MYO16: variants seen among roughly 807,000 people sequenced by gnomAD.
The protein encoded by MYO16 is myosin XVI.
A neutral mutation model predicts 205.3 loss-of-function variants in MYO16; 94 were observed. That is an observed-to-expected ratio of 0.46 (90% CI 0.39 to 0.54). The LOEUF (loss-of-function observed/expected upper bound fraction) is 0.54, where lower values mean the gene tolerates loss of function less well. Ranked by LOEUF, MYO16 falls within the 20% of genes least tolerant of loss-of-function variation. MYO16 has a pLI of 0.00. For synonymous variants in MYO16, 988 were observed against 954.0 expected (o/e 1.04, Z -0.66); for missense variants, 2,315 against 2,387.5 (o/e 0.97, Z 0.63).
rs549376365 is a variant in MYO16 at position 108,850,159 on chromosome 13, C to T, written c.1249-5284C>T. ...TAACTTATCCATACTGGGTTATTTG[C>T]GCCTAGACTGCCTTCCTCCAAATCC... is the stretch of plus-strand genomic sequence containing the variant. On this transcript the variant is annotated intron_variant, in intron 10 of 34. Coordinates refer to ENST00000457511, the MANE Select transcript of MYO16 (RefSeq NM_001198950.3). Among the ~76,000 whole-genome samples, 16 of 151,722 alleles carry T rather than the reference C, an allele frequency of 1.1e-4. No individual in the cohort carries two copies. The South Asian group carries it at 1.5e-3, about 14-fold the overall frequency.
chr13:108,888,309 A>T (rs925107594), intron 13 of MYO16, 63 bp from the exon 14 acceptor site: 11 of 1,183,936 alleles, frequency 9.3e-6, no homozygotes, highest in Non-Finnish European at 1.2e-5. Flanking sequence ...TCAAAGGAAC[A>T]AAGGAACAAG....
chr13:109,013,256 G>A (rs924478015), intron 22 of MYO16, among the ~76,000 whole-genome samples: 34 of 151,844 alleles, frequency 2.2e-4, no homozygotes, highest in Non-Finnish European at 4.4e-5. Flanking sequence ...TCAGAGTGAT[G>A]GTTTCCAGAT....
intron 4 of MYO16, among the ~76,000 whole-genome samples, chr13:108,767,079 G>T (rs1214336152): frequency 6.6e-6 from 1 of 150,552 alleles, no homozygotes; most frequent in Non-Finnish European, 1.5e-5. Flanking sequence ...TGTTGTATCT[G>T]GGTTTTTGTT....
chr13:109,184,312 C>T (rs1879583610), intron 34 of MYO16, among the ~76,000 whole-genome samples: 1 of 151,776 alleles, frequency 6.6e-6, no homozygotes, highest in Admixed American at 6.6e-5. Context: ...AGATTATGTG[C>T]AAAAAATGAA....
chr13:108,611,972 C>CTTTTTTTTTTT (rs201871787), intron 1 of MYO16, among the ~76,000 whole-genome samples: 33 of 89,758 alleles, frequency 3.7e-4, no homozygotes, highest in East Asian at 1.2e-3. Context: ...TTTTTTTTTT[C>CTTTTTTTTTTT]TTTTTTTTTT....
intron 9 of MYO16, among the ~76,000 whole-genome samples, chr13:108,833,769 A>G (rs1023880637): frequency 1.3e-5 from 2 of 152,194 alleles, no homozygotes; most frequent in Admixed American, 1.3e-4. Context: ...GCATAAATCC[A>G]GTAGAGTTCA....
At chr13:109,023,107 G>A (rs1379597957) in intron 23 of MYO16, among the ~76,000 whole-genome samples, 2 of 130,058 alleles carry the variant, frequency 1.5e-5, no homozygotes, top group Admixed American at 8.7e-5. Context: ...TTTATATATT[G>A]TATATACATA....
At chr13:108,639,325 T>TCTG (rs1880398316) in intron 1 of MYO16, among the ~76,000 whole-genome samples, 2 of 152,120 alleles carry the variant, frequency 1.3e-5, no homozygotes, top group African/African-American at 2.4e-5. Context: ...TAGTGAAAAA[T>TCTG]TCTGTGTTGC....
In MYO16 at chr13:109,055,258, C is replaced by CACACAA; in HGVS notation, c.3130-127_3130-126insAACACA. On this transcript the variant is annotated intron_variant, in intron 26 of 34. Transcript: ENST00000457511. The surrounding 1 kb of genome is among the most constrained non-coding windows in gnomAD (Gnocchi z 5.0). ...AAAAAAGTAAACATACACACACACA[C>CACACAA]ACACACACACACACACAGAGTAAAT... 1.1e-6 allele frequency: 1 copy of CACACAA among 906,660 alleles called. No homozygotes were observed. The highest frequency in any genetic ancestry group is 1.7e-5 in the African/African-American group (1 of 59,124). 56.2% of individuals were successfully genotyped at this position (906,660 alleles called of 1,614,324 possible). A position where few individuals can be genotyped will look rare whatever the true frequency, so the allele number is the denominator to read the frequency against.
At chr13:108,613,197 T>C (rs1879237843) in intron 1 of MYO16, among the ~76,000 whole-genome samples, 1 of 152,216 alleles carries the variant, frequency 6.6e-6, no homozygotes, top group Admixed American at 6.6e-5. Flanking sequence ...GATTTCAGCA[T>C]TTTCTGAATA....
Position 109,125,081 on chromosome 13 carries a change from C to T in MYO16, c.3536-31C>T. The T allele has an allele frequency of 6.2e-7, 1 of 1,603,652 alleles. No homozygotes were observed. Among genetic ancestry groups the T allele is most frequent in the South Asian group, 1.1e-5 (1 of 89,312 alleles). ...ATGTCTGAGTTTTTCACTTTTCCTC[C>T]ATTTACTAACCCATGATCCTTCTAT... On this transcript the variant is annotated intron_variant, in intron 29 of 34. Transcript: ENST00000457511. This position sits in a 1 kb window ranked among gnomAD's most constrained non-coding sequence, Gnocchi z 4.0.
intron 13 of MYO16, chr13:108,886,611 C>A: frequency 4.8e-6 from 2 of 413,178 alleles, no homozygotes; most frequent in Non-Finnish European, 9.7e-6. Context: ...CCTTCCAGTG[C>A]GCATGCTGAG....
upstream of MYO16, among the ~76,000 whole-genome samples, chr13:108,592,866 G>A (rs1382766925): frequency 4.6e-5 from 7 of 151,818 alleles, no homozygotes; most frequent in Non-Finnish European, 1.0e-4. Flanking sequence ...AAAAAACATT[G>A]TATGCAACTC....
rs771219520 is a variant in MYO16 at position 108,898,115 on chromosome 13, A to C, written c.1759A>C (p.Lys587Gln). ...KYFELQFCER[K>Q]QQLTGARIYT... Reference sequence around the variant, plus strand: ...TTTTGAACTGCAGTTCTGTGAGAGGAAACAACAGCTAACCGGAGGTAAGTG... The same window carrying C: ...TTTTGAACTGCAGTTCTGTGAGAGGCAACAACAGCTAACCGGAGGTAAGTG... Residue 587 changes from lysine to glutamine, a missense_variant, in exon 15 of 35, where the codon AAA becomes CAA. Physicochemically the swap from Lys to Gln is moderately conservative, Grantham distance 53. Transcript: ENST00000457511. The C allele has an allele frequency of 1.2e-6, 2 of 1,611,646 alleles. No homozygotes were observed. Among genetic ancestry groups the C allele is most frequent in the Non-Finnish European group, 1.7e-6 (2 of 1,177,718 alleles).
Position 108,793,307 on chromosome 13 carries a change from A to G in MYO16, c.617-209A>G, listed in dbSNP as rs561171567. Reference sequence around the variant, plus strand: ...TCTCAAAAAAAAAAAAAAAAAAAACATAACAAGAGATAATTTTATATTTTT... The same window carrying G: ...TCTCAAAAAAAAAAAAAAAAAAAACGTAACAAGAGATAATTTTATATTTTT... On this transcript the variant is annotated intron_variant, in intron 5 of 34. Coordinates refer to ENST00000457511, the MANE Select transcript of MYO16 (RefSeq NM_001198950.3). Among the ~76,000 whole-genome samples, 5 of 151,040 alleles carry G rather than the reference A, an allele frequency of 3.3e-5. No homozygotes were observed. In the East Asian group the frequency reaches 7.7e-4, roughly 23 times the overall value.
chr13:108,565,793 C>G, the MYO16 span, among the ~76,000 whole-genome samples: 2 of 152,194 alleles, frequency 1.3e-5, no homozygotes, highest in African/African-American at 4.8e-5. Context: ...TTCCCCCATT[C>G]GGTATAATAT....
At chr13:108,767,986 A>G (rs1219652084) in intron 4 of MYO16, among the ~76,000 whole-genome samples, 1 of 152,184 alleles carries the variant, frequency 6.6e-6, no homozygotes, top group Non-Finnish European at 1.5e-5. Flanking sequence ...TATACTGACC[A>G]TTTACTGCAA....
At chr13:108,738,534 G>A (rs9559397) in intron 4 of MYO16, among the ~76,000 whole-genome samples, 4,663 of 152,254 alleles carry the variant, frequency 0.031, 222 homozygotes, top group East Asian at 0.21. Flanking sequence ...TTTTACATTT[G>A]CTGAGGAGTG....
At chr13:109,092,883 G>T (rs957150996) in intron 27 of MYO16, among the ~76,000 whole-genome samples, 1 of 152,078 alleles carries the variant, frequency 6.6e-6, no homozygotes, top group African/African-American at 2.4e-5. Context: ...CTTTCCTTGG[G>T]TTCTTTACAC....
Sources: gnomAD v4.1 joint callset for allele counts (sites outside exome capture counted in the v4.1 genomes callset) on GRCh38, gnomAD v4.1.1 for gene constraint, Gnocchi (gnomAD v3.1) non-coding constraint, MANE v1.5 for transcripts, NCBI Gene and HGNC (gene_info 2026-07-23, HGNC 2026-07-21) for gene names.